ABCB5: variants seen among roughly 807,000 people sequenced by gnomAD.
ABCB5 encodes the protein ATP-binding cassette sub-family B member 5.
A neutral mutation model predicts 144.2 loss-of-function variants in ABCB5; 155 were observed. The observed-to-expected ratio is 1.08, with a 90% CI of 0.94 to 1.23. ABCB5 has a LOEUF of 1.23. Ranked by LOEUF, ABCB5 falls within the 50% of genes most tolerant of loss-of-function variation. The pLI, the probability that ABCB5 is intolerant of heterozygous loss-of-function variation, is 0.00. For synonymous variants in ABCB5, 610 were observed against 528.6 expected (o/e 1.15, Z -2.11); for missense variants, 1,830 against 1,520.8 (o/e 1.20, Z -3.38).
chr7:20,622,743 G>A (rs1282814538), intron 1 of ABCB5, among the ~76,000 whole-genome samples: 2 of 152,062 alleles, frequency 1.3e-5, no homozygotes, highest in African/African-American at 4.8e-5. Context: ...TTTTAATGAT[G>A]AATGGATTTT....
At position 20,742,893 on chromosome 7, in the gene ABCB5, AT is replaced by A. The variant is rs146201784; in HGVS notation, c.3044del (p.Leu1015Ter). The A allele has an allele frequency of 3.2e-5, 51 of 1,614,120 alleles. No individual in the cohort carries two copies. The East Asian group carries it at 1.0e-3, about 32-fold the overall frequency. Reference protein sequence around the residue: ...EGKKPDTCEGNLEFREVSFFY... With the variant: ...EGKKPDTCEGXLEFREVSFFY... The stretch of plus-strand genomic sequence containing the variant: ...CTTTCACAGGACACATGTGAAGGGA[AT>A]TTAGAGTTTCGAGAAGTCTCTTTCT... On this transcript the variant is annotated frameshift_variant, in exon 25 of 28. Coordinates refer to ENST00000404938, the MANE Select transcript of ABCB5 (RefSeq NM_001163941.2). LOFTEE classifies it high-confidence loss of function.
intron 2 of ABCB5, among the ~76,000 whole-genome samples, 197 bp from the exon 3 acceptor site, chr7:20,626,360 G>A (rs570373951): frequency 2.0e-5 from 3 of 152,220 alleles, no homozygotes; most frequent in East Asian, 1.9e-4. Context: ...CTCCAGACAC[G>A]TCTTCAAGTT....
chr7:20,717,719 G>A (rs1009578670), intron 20 of ABCB5, among the ~76,000 whole-genome samples: 26 of 151,130 alleles, frequency 1.7e-4, no homozygotes, highest in African/African-American at 4.4e-4. Flanking sequence ...TTACAGGCGC[G>A]AGCCACCGCA....
Position 20,728,469 on chromosome 7 carries a change from A to G in ABCB5, c.2867+14A>G. On this transcript the variant is annotated intron_variant, in intron 23 of 27. Coordinates refer to ENST00000404938, the MANE Select transcript of ABCB5 (RefSeq NM_001163941.2). The stretch of plus-strand genomic sequence containing the variant: ...GGGCATGTTCATGTAAGTCGTGGAA[A>G]TAGTCCGGACCTGGTAGCTCACACC... The G allele has an allele frequency of 1.2e-6, 2 of 1,613,576 alleles. No homozygotes were observed. Among genetic ancestry groups the G allele is most frequent in the Non-Finnish European group, 1.7e-6 (2 of 1,179,684 alleles).
chr7:20,711,831 T>C (rs1787064183), intron 20 of ABCB5, among the ~76,000 whole-genome samples: 1 of 56,478 alleles, frequency 1.8e-5, no homozygotes, highest in Non-Finnish European at 2.8e-5. Context: ...TTTCTTTCTT[T>C]CTTTCTTTCT....
chr7:20,700,845 G>C (rs1434852189), intron 19 of ABCB5, among the ~76,000 whole-genome samples: 1 of 152,138 alleles, frequency 6.6e-6, no homozygotes, highest in African/African-American at 2.4e-5. Context: ...TGTCACAAAA[G>C]CTCACCAGGC....
intron 5 of ABCB5, among the ~76,000 whole-genome samples, chr7:20,636,287 G>T (rs13238912): frequency 0.13 from 19,674 of 151,984 alleles, 1,533 homozygotes; most frequent in African/African-American, 0.21. Context: ...AGTCACGAAG[G>T]ATACTTTTTT....
At chr7:20,659,129 C>T in intron 14 of ABCB5, 1 of 1,613,960 alleles carries the variant, frequency 6.2e-7, no homozygotes, top group Non-Finnish European at 8.5e-7. Flanking sequence ...GACCTTGAAC[C>T]AGCGCCCTTC....
At chr7:20,661,770 T>G (rs1239417340) in intron 14 of ABCB5, among the ~76,000 whole-genome samples, 2 of 152,080 alleles carry the variant, frequency 1.3e-5, no homozygotes, top group African/African-American at 4.8e-5. Context: ...CCTGACCTTG[T>G]GATCTGCCTG....
chr7:20,685,806 C>G lies in ABCB5; in HGVS notation c.1980C>G (p.Asp660Glu), dbSNP rs1211891290. The G allele has an allele frequency of 6.2e-7, 1 of 1,612,844 alleles. No homozygotes were observed. Among genetic ancestry groups the G allele is most frequent in the Non-Finnish European group, 8.5e-7 (1 of 1,179,670 alleles). ...SVKSIKSDFI[D>E]KAEESTQSKE... The stretch of plus-strand genomic sequence containing the variant: ...AGAGCATCAAGTCAGACTTCATTGA[C>G]AAGGCTGAGGAATCCACCCAATCTA... Residue 660 changes from aspartate to glutamate, a missense_variant, in exon 16 of 28, where the codon GAC becomes GAG. Coordinates refer to ENST00000404938, the MANE Select transcript of ABCB5 (RefSeq NM_001163941.2).
chr7:20,660,687 GC>G (rs1485482408), intron 14 of ABCB5, among the ~76,000 whole-genome samples: 1 of 152,076 alleles, frequency 6.6e-6, no homozygotes, highest in Non-Finnish European at 1.5e-5. Flanking sequence ...TGTCTAAGAG[GC>G]CCCAGACTCT....
At chr7:20,750,679 T>C (rs1406339437) in intron 26 of ABCB5, among the ~76,000 whole-genome samples, 2 of 152,056 alleles carry the variant, frequency 1.3e-5, no homozygotes, top group African/African-American at 4.8e-5. Flanking sequence ...TCTTCTAAGG[T>C]TGAAAAAAAA....
chr7:20,736,965 G>A (rs1235842579), intron 23 of ABCB5, among the ~76,000 whole-genome samples: 3 of 152,092 alleles, frequency 2.0e-5, no homozygotes, highest in Non-Finnish European at 2.9e-5. Context: ...CGAGGCAGGC[G>A]GATCACTAGG....
chr7:20,620,849 T>TA (rs1184099884), intron 1 of ABCB5, among the ~76,000 whole-genome samples: 7 of 152,100 alleles, frequency 4.6e-5, no homozygotes, highest in Admixed American at 3.3e-4. Flanking sequence ...CTCAAAAAGT[T>TA]AAACATAGAC....
intron 23 of ABCB5, 108 bp downstream of exon 23, chr7:20,728,563 G>A: frequency 7.8e-7 from 1 of 1,275,948 alleles, no homozygotes. Flanking sequence ...AGATCAGCCT[G>A]ACCAACATAA....
Position 20,755,761 on chromosome 7 carries a change from T to C in ABCB5, c.*137T>C. On this transcript the variant is annotated 3_prime_UTR_variant, in exon 28 of 28. Transcript: ENST00000404938. ...ATGCTACTCAAGTACATACATGTTC[T>C]ATTCACACACCATCTGACCTTCAGA... 1 of 836,630 alleles carries C rather than the reference T, an allele frequency of 1.2e-6. No individual in the cohort carries two copies. The highest frequency in any genetic ancestry group is 1.7e-5 in the African/African-American group (1 of 58,392). 51.8% of individuals were successfully genotyped at this position (836,630 alleles called of 1,614,324 possible). A position where few individuals can be genotyped will look rare whatever the true frequency, so the allele number is the denominator to read the frequency against.
At chr7:20,740,437 T>A (rs1014487137) in intron 24 of ABCB5, among the ~76,000 whole-genome samples, 1 of 152,134 alleles carries the variant, frequency 6.6e-6, no homozygotes, top group Non-Finnish European at 1.5e-5. Flanking sequence ...AATACAGCAT[T>A]ACTAGAGCTA....
chr7:20,719,912 T>G (rs1488672974), intron 20 of ABCB5, among the ~76,000 whole-genome samples: 2 of 150,444 alleles, frequency 1.3e-5, no homozygotes, highest in Non-Finnish European at 2.9e-5. Context: ...GAAACAAATA[T>G]AGATGTAAAT....
At chr7:20,639,663 G>A (rs2188594) in intron 5 of ABCB5, among the ~76,000 whole-genome samples, 41,246 of 152,068 alleles carry the variant, frequency 0.27, 7,261 homozygotes, top group African/African-American at 0.5. Context: ...AATAAATGTA[G>A]GAGTCCGTTT....
Sources: gnomAD v4.1 joint callset for allele counts (sites outside exome capture counted in the v4.1 genomes callset) on GRCh38, gnomAD v4.1.1 for gene constraint, MANE v1.5 for transcripts, NCBI Gene and HGNC (gene_info 2026-07-23, HGNC 2026-07-21) for gene names.